PTGFRN: variants seen among roughly 807,000 people sequenced by gnomAD.
PTGFRN encodes prostaglandin F2 receptor negative regulator.
A neutral mutation model predicts 83.2 loss-of-function variants in PTGFRN; 35 were observed. The ratio of observed to expected loss-of-function variants is 0.42; its 90% CI spans 0.32 to 0.56. The LOEUF (loss-of-function observed/expected upper bound fraction) is 0.56. PTGFRN is among the 20% of genes least tolerant of loss of function. The probability of loss-of-function intolerance (pLI) is 0.11; values close to 1 mark genes in which losing one functional copy is unlikely to be tolerated. For synonymous variants in PTGFRN, 519 were observed against 498.6 expected (o/e 1.04, Z -0.55); for missense variants, 1,051 against 1,179.5 (o/e 0.89, Z 1.60).
chr1:116,974,015 T>G (rs1005818536), intron 6 of PTGFRN, among the ~76,000 whole-genome samples: 4 of 152,208 alleles, frequency 2.6e-5, no homozygotes, highest in Non-Finnish European at 5.9e-5. Context: ...GTTGTAATCT[T>G]AAGATGAAGC....
intron 2 of PTGFRN, among the ~76,000 whole-genome samples, chr1:116,944,207 A>T (rs938950447): frequency 2.0e-5 from 3 of 152,180 alleles, no homozygotes; most frequent in Admixed American, 6.5e-5. Flanking sequence ...CGGGCTCCCT[A>T]GCCTAGCCCT....
intron 1 of PTGFRN, among the ~76,000 whole-genome samples, chr1:116,932,745 G>T (rs1291020932): frequency 6.6e-6 from 1 of 152,120 alleles, no homozygotes; most frequent in Non-Finnish European, 1.5e-5. Flanking sequence ...GAAATATAGG[G>T]AATTTTAAGC....
intron 7 of PTGFRN, among the ~76,000 whole-genome samples, chr1:116,974,945 C>T (rs138395665): frequency 0.015 from 2,212 of 152,288 alleles, 54 homozygotes; most frequent in African/African-American, 0.051. Flanking sequence ...ACCCGGGAAG[C>T]GCAAGGGGTT....
At position 116,952,751 on chromosome 1, in the gene PTGFRN, C is replaced by T. The variant is rs535295139; in HGVS notation, c.1213+3179C>T. Among the ~76,000 whole-genome samples, 1 of 152,238 alleles carries T rather than the reference C, an allele frequency of 6.6e-6. No individual in the cohort carries two copies. The highest frequency in any genetic ancestry group is 2.1e-4 in the South Asian group (1 of 4,814). ...TATCATGTGCTTTTTCATTTTGGGG[C>T]ATTGGAAAAGATAATAGACAGGGCT... On this transcript the variant is annotated intron_variant, in intron 4 of 8. Transcript: ENST00000393203. The surrounding 1 kb of genome is among the most constrained non-coding windows in gnomAD (Gnocchi z 4.0).
Position 116,988,440 on chromosome 1 carries a change from T to C in PTGFRN, c.*1473T>C, listed in dbSNP as rs964311517. On this transcript the variant is annotated 3_prime_UTR_variant, in exon 9 of 9. Coordinates refer to ENST00000393203, the MANE Select transcript of PTGFRN (RefSeq NM_020440.4). ...TCTCGCCCCCTGCACAGCACTGGCC[T>C]TTCGGAAGCATCCCAGTAGGGTTTT... The C allele has an allele frequency of 6.5e-6, 1 of 152,716 alleles. No homozygotes were observed. The highest frequency in any genetic ancestry group is 1.5e-5 in the Non-Finnish European group (1 of 68,098). 9.5% of individuals were successfully genotyped at this position (152,716 alleles called of 1,614,324 possible). A position where few individuals can be genotyped will look rare whatever the true frequency, so the allele number is the denominator to read the frequency against.
chr1:116,977,913 A>C (rs1185938489), intron 7 of PTGFRN, among the ~76,000 whole-genome samples: 3 of 152,174 alleles, frequency 2.0e-5, no homozygotes, highest in Non-Finnish European at 4.4e-5. Flanking sequence ...AAACCCTTCA[A>C]AAAAATCAAT....
At chr1:116,911,364 C>G (rs1649269222) in intron 1 of PTGFRN, among the ~76,000 whole-genome samples, 1 of 152,234 alleles carries the variant, frequency 6.6e-6, no homozygotes, top group African/African-American at 2.4e-5. Context: ...AATGATTACT[C>G]TGCACTTATG....
At chr1:116,910,497 C>T (rs1002169846) in intron 1 of PTGFRN, among the ~76,000 whole-genome samples, 1 of 151,832 alleles carries the variant, frequency 6.6e-6, no homozygotes, top group Non-Finnish European at 1.5e-5. Flanking sequence ...CAGGCCGAGC[C>T]TCGCCCCCAA....
chr1:116,959,788 A>G (rs541145953), intron 4 of PTGFRN, among the ~76,000 whole-genome samples: 1 of 152,232 alleles, frequency 6.6e-6, no homozygotes, highest in Admixed American at 6.5e-5. Context: ...AGCCTGTCCA[A>G]CATGGCAAAA....
rs1650063289 is a variant in PTGFRN, at chr1:116,941,649, T to C, written c.50-66T>C. On this transcript the variant is annotated intron_variant, in intron 1 of 8. Transcript: ENST00000393203. This position sits in a 1 kb window ranked among gnomAD's most constrained non-coding sequence, Gnocchi z 5.0. ...CTGTGAGCAGGAGCATCCACAGGTTTGCCACATTTGTCCTGGGAAGACTTT... is the reference window on the plus strand; with the variant it reads ...CTGTGAGCAGGAGCATCCACAGGTTCGCCACATTTGTCCTGGGAAGACTTT... 1 of 1,536,446 alleles carries C rather than the reference T, an allele frequency of 6.5e-7. No individual in the cohort carries two copies. Among genetic ancestry groups the C allele is most frequent in the Non-Finnish European group, 8.7e-7 (1 of 1,145,876 alleles).
In PTGFRN at chr1:116,942,095, A is replaced by T; in HGVS notation, c.418+12A>T. The T allele has an allele frequency of 6.3e-7, 1 of 1,597,630 alleles. No homozygotes were observed. The highest frequency in any genetic ancestry group is 1.1e-5 in the South Asian group (1 of 89,444). The stretch of plus-strand genomic sequence containing the variant: ...AGTGCAGGTTAAAGGTACAGTCCTC[A>T]CATGGGCTTGTTATGCCAGGGGCCA... On this transcript the variant is annotated intron_variant, in intron 2 of 8. Transcript: ENST00000393203.
At chr1:116,916,286 C>T (rs1477406841) in intron 1 of PTGFRN, among the ~76,000 whole-genome samples, 1 of 152,188 alleles carries the variant, frequency 6.6e-6, no homozygotes, top group South Asian at 2.1e-4. Context: ...GCTACTGTTG[C>T]TCTGTCTAGG....
chr1:116,914,939 C>G (rs1044730999), intron 1 of PTGFRN, among the ~76,000 whole-genome samples: 5 of 152,194 alleles, frequency 3.3e-5, no homozygotes, highest in Admixed American at 3.3e-4. Flanking sequence ...TATCAAGCGT[C>G]AGGCTCTGAC....
chr1:116,951,808 C>A (rs1650358651), intron 4 of PTGFRN, among the ~76,000 whole-genome samples: 3 of 152,122 alleles, frequency 2.0e-5, no homozygotes, highest in African/African-American at 7.2e-5. Context: ...TGGACTCTGT[C>A]CAGAAGCCAG....
chr1:116,950,868 G>T (rs561235404), intron 4 of PTGFRN, among the ~76,000 whole-genome samples: 5 of 152,182 alleles, frequency 3.3e-5, no homozygotes, highest in African/African-American at 1.2e-4. Flanking sequence ...TATTCCTGCC[G>T]TCTGAACCCC....
intron 1 of PTGFRN, among the ~76,000 whole-genome samples, chr1:116,922,249 A>T (rs1052335667): frequency 6.6e-6 from 1 of 152,228 alleles, no homozygotes; most frequent in Non-Finnish European, 1.5e-5. Context: ...GTTGTTTCTT[A>T]TAAGAAAAAC....
rs1232445707 is a variant in PTGFRN, at chr1:116,967,783, A to G, written c.2059+453A>G. On this transcript the variant is annotated intron_variant, in intron 6 of 8. Transcript: ENST00000393203. ...GCTTTGTTCATTTTTATGACTGAATAAGATTCCATCGTATGGATATCCCAC... is the reference window on the plus strand; with the variant it reads ...GCTTTGTTCATTTTTATGACTGAATGAGATTCCATCGTATGGATATCCCAC... Among the ~76,000 whole-genome samples, 4 of 152,246 alleles carry G rather than the reference A, an allele frequency of 2.6e-5. No individual in the cohort carries two copies. In the East Asian group the frequency reaches 7.7e-4, roughly 29 times the overall value.
At chr1:116,966,598 G>T (rs1258604026) in intron 5 of PTGFRN, among the ~76,000 whole-genome samples, 3 of 152,172 alleles carry the variant, frequency 2.0e-5, no homozygotes, top group Non-Finnish European at 4.4e-5. Context: ...ATCTTTTGGA[G>T]CACCAATAGC....
intron 1 of PTGFRN, among the ~76,000 whole-genome samples, chr1:116,929,581 A>C (rs1416310034): frequency 6.6e-6 from 1 of 152,046 alleles, no homozygotes; most frequent in East Asian, 1.9e-4. Flanking sequence ...CTGTGTCTGG[A>C]GCAGTTTTGC....
Sources: gnomAD v4.1 joint callset for allele counts (sites outside exome capture counted in the v4.1 genomes callset) on GRCh38, gnomAD v4.1.1 for gene constraint, Gnocchi (gnomAD v3.1) non-coding constraint, MANE v1.5 for transcripts, NCBI Gene and HGNC (gene_info 2026-07-23, HGNC 2026-07-21) for gene names.